HS6ST1: variants seen among roughly 807,000 people sequenced by gnomAD.
The protein encoded by HS6ST1 is heparan sulfate 6-O-sulfotransferase 1, also known as heparan-sulfate 6-O-sulfotransferase 1.
HS6ST1 carries 3 observed loss-of-function variants against 25.2 expected under a neutral mutation model. The ratio of observed to expected loss-of-function variants is 0.12; its 90% confidence interval spans 0.05 to 0.31. The LOEUF (loss-of-function observed/expected upper bound fraction) is 0.31. Ranked by LOEUF, HS6ST1 falls within the 10% of genes least tolerant of loss-of-function variation. HS6ST1 has a pLI of 1.00. For synonymous variants in HS6ST1, 204 were observed against 275.1 expected, an observed-to-expected ratio of 0.74 and a Z score of 2.56; for missense variants, 310 against 609.6, an observed-to-expected ratio of 0.51 and a Z score of 5.18.
intron 1 of HS6ST1, among the ~76,000 whole-genome samples, chr2:128,282,455 G>T (rs981523516): frequency 1.3e-5 from 2 of 152,098 alleles, no homozygotes; most frequent in East Asian, 3.9e-4. Context: ...AGCCCCCACC[G>T]GCCCGCGGCA....
intron 1 of HS6ST1, among the ~76,000 whole-genome samples, chr2:128,285,545 C>T (rs1029028893): frequency 1.6e-4 from 25 of 152,242 alleles, no homozygotes; most frequent in African/African-American, 6.0e-4. Context: ...GAGGACTCAG[C>T]TGCACTGTGC....
rs1173504288 is a variant in HS6ST1, at chr2:128,265,823, C to T, written c.*2339G>A. ...CCTGCCTGTTTCCGTCCTCACAGCC[C>T]TGGGAGGGCCCCGGTGGACAGAGTC... is the stretch of plus-strand genomic sequence containing the variant. On this transcript the variant is annotated 3_prime_UTR_variant, in exon 2 of 2. Transcript: ENST00000259241. 1 of 152,268 alleles carries T rather than the reference C, an allele frequency of 6.6e-6. No homozygotes were observed. The highest frequency in any genetic ancestry group is 1.5e-5 in the Non-Finnish European group (1 of 68,068). 9.4% of individuals were successfully genotyped at this position (152,268 alleles called of 1,614,324 possible).
At chr2:128,317,732 G>T (rs950080114) in intron 1 of HS6ST1, among the ~76,000 whole-genome samples, 1 of 152,246 alleles carries the variant, frequency 6.6e-6, no homozygotes, top group Non-Finnish European at 1.5e-5. Context: ...AGGTAAGGTG[G>T]CCCGAGGGCA....
At chr2:128,303,576 G>T (rs930933123) in intron 1 of HS6ST1, among the ~76,000 whole-genome samples, 2 of 152,346 alleles carry the variant, frequency 1.3e-5, no homozygotes, top group African/African-American at 2.4e-5. Flanking sequence ...CATACATGGT[G>T]GGGGGACACT....
chr2:128,296,078 G>A (rs907889973), intron 1 of HS6ST1, among the ~76,000 whole-genome samples: 1 of 152,150 alleles, frequency 6.6e-6, no homozygotes, highest in Admixed American at 6.5e-5. Context: ...GAGATGCAGG[G>A]GATACAAGAC....
At position 128,280,136 on chromosome 2, in the gene HS6ST1, C is replaced by T. The variant is rs531175430; in HGVS notation, c.528-11266G>A. 4.0e-3 allele frequency among the ~76,000 whole-genome samples: 605 copies of T among 152,332 alleles called. 6 individuals carry two copies. Among genetic ancestry groups the T allele is most frequent in the African/African-American group, 0.014 (568 of 41,582 alleles). ...TGCTGCCAACCCCACCAGGGGCCCC[C>T]GGTGCCCATGCCTCTGACAGCACCA... On this transcript the variant is annotated intron_variant, in intron 1 of 1. Coordinates refer to ENST00000259241, the MANE Select transcript of HS6ST1 (RefSeq NM_004807.3).
chr2:128,281,308 G>C (rs955959053), intron 1 of HS6ST1, among the ~76,000 whole-genome samples: 1 of 152,208 alleles, frequency 6.6e-6, no homozygotes, highest in African/African-American at 2.4e-5. Context: ...GAATTCTTAC[G>C]GATGGGTGGA....
intron 1 of HS6ST1, among the ~76,000 whole-genome samples, chr2:128,278,412 G>C (rs2104915639): frequency 6.6e-6 from 1 of 152,320 alleles, no homozygotes; most frequent in East Asian, 1.9e-4. Flanking sequence ...GCGAAGGAGG[G>C]GCACAGGAGA....
At chr2:128,269,423 T>G (rs1693576476) in intron 1 of HS6ST1, among the ~76,000 whole-genome samples, 1 of 152,152 alleles carries the variant, frequency 6.6e-6, no homozygotes, top group Admixed American at 6.5e-5. Flanking sequence ...CTTGCTGGGT[T>G]GTCCCCCAAG....
chr2:128,307,581 G>A (rs1274525555), intron 1 of HS6ST1, among the ~76,000 whole-genome samples: 1 of 152,224 alleles, frequency 6.6e-6, no homozygotes, highest in African/African-American at 2.4e-5. Context: ...ACCAATACGC[G>A]AAGCACAAAC....
At chr2:128,303,822 T>C (rs1389227568) in intron 1 of HS6ST1, among the ~76,000 whole-genome samples, 4 of 152,258 alleles carry the variant, frequency 2.6e-5, no homozygotes, top group Non-Finnish European at 5.9e-5. Flanking sequence ...GACACCAAGA[T>C]TGCTGGTAAA....
intron 1 of HS6ST1, among the ~76,000 whole-genome samples, chr2:128,302,804 C>G (rs1003368360): frequency 1.1e-4 from 16 of 152,222 alleles, no homozygotes; most frequent in Non-Finnish European, 1.8e-4. Flanking sequence ...TCTTCCGCAA[C>G]GGCCCCCATC....
chr2:128,268,109 C>G lies in HS6ST1; in HGVS notation c.*53G>C, dbSNP rs1317535199. On this transcript the variant is annotated 3_prime_UTR_variant, in exon 2 of 2. Coordinates refer to ENST00000259241, the MANE Select transcript of HS6ST1 (RefSeq NM_004807.3). ...AGTCTTGGGTGGACCTGTCGTCTGT[C>G]CTGTTTTATCCCCCACACCCCCCAA... The G allele has an allele frequency of 2.3e-6, 3 of 1,305,320 alleles. No homozygotes were observed. The highest frequency in any genetic ancestry group is 3.2e-6 in the Non-Finnish European group (3 of 927,338). 80.9% of individuals were successfully genotyped at this position (1,305,320 alleles called of 1,614,324 possible).
chr2:128,272,674 A>G (rs4662783), intron 1 of HS6ST1, among the ~76,000 whole-genome samples: 150,244 of 152,318 alleles, frequency 0.99, 74,103 homozygotes, highest in East Asian at 1. Context: ...GGGAGGAGAG[A>G]AGAGGGCTCG....
At chr2:128,272,530 A>C (rs747968473) in intron 1 of HS6ST1, among the ~76,000 whole-genome samples, 53 of 152,178 alleles carry the variant, frequency 3.5e-4, no homozygotes, top group Non-Finnish European at 7.1e-4. Flanking sequence ...GTCCGACGGC[A>C]GCATCCTCTC....
intron 1 of HS6ST1, among the ~76,000 whole-genome samples, chr2:128,306,104 A>C (rs1465822012): frequency 1.3e-5 from 2 of 152,174 alleles, no homozygotes; most frequent in Non-Finnish European, 2.9e-5. Context: ...ACTCATCTGC[A>C]AAACAGCGCC....
At chr2:128,293,179 C>T (rs1020127873) in intron 1 of HS6ST1, among the ~76,000 whole-genome samples, 1 of 152,242 alleles carries the variant, frequency 6.6e-6, no homozygotes, top group South Asian at 2.1e-4. Flanking sequence ...GTCCCACCCG[C>T]ACACCCTGTC....
intron 1 of HS6ST1, among the ~76,000 whole-genome samples, chr2:128,313,934 T>C (rs1233348833): frequency 6.7e-6 from 1 of 149,026 alleles, no homozygotes; most frequent in Non-Finnish European, 1.5e-5. Context: ...TTATCATGTG[T>C]TTGCTTAAAA....
intron 1 of HS6ST1, among the ~76,000 whole-genome samples, chr2:128,276,527 C>T (rs1443416542): frequency 6.6e-6 from 1 of 152,150 alleles, no homozygotes; most frequent in African/African-American, 2.4e-5. Context: ...TGGGTGCTCA[C>T]AGTGGCTTAC....
Sources: gnomAD v4.1 joint callset for allele counts (sites outside exome capture counted in the v4.1 genomes callset) on GRCh38, gnomAD v4.1.1 for gene constraint, MANE v1.5 for transcripts, NCBI Gene and HGNC (gene_info 2026-07-23, HGNC 2026-07-21) for gene names.